The following PSPC1 variants were observed in gnomAD, a reference collection of about 807,000 sequenced individuals.
PSPC1 encodes paraspeckle protein 1.
PSPC1 carries 14 observed loss-of-function variants against 51.6 expected under a neutral mutation model. The observed-to-expected ratio is 0.27, with a 90% CI of 0.18 to 0.42. The LOEUF (loss-of-function observed/expected upper bound fraction) is 0.42, where lower values mean the gene tolerates loss of function less well. PSPC1 is among the 10% of genes least tolerant of loss of function. The probability of loss-of-function intolerance (pLI) is 1.00; values close to 1 mark genes in which losing one functional copy is unlikely to be tolerated. For missense variants in PSPC1, 406 were observed against 701.1 expected (o/e 0.58, Z 4.75); for synonymous variants, 193 against 231.9 (o/e 0.83, Z 1.53).
intron 6 of PSPC1, among the ~76,000 whole-genome samples, chr13:19,722,704 G>T (rs1882917146): frequency 6.6e-6 from 1 of 152,120 alleles, no homozygotes; most frequent in Non-Finnish European, 1.5e-5. Flanking sequence ...TGAAGCAGAA[G>T]AATCACTTGA....
chr13:19,759,989 G>A (rs1321947534), intron 2 of PSPC1, among the ~76,000 whole-genome samples: 2 of 152,056 alleles, frequency 1.3e-5, no homozygotes, highest in African/African-American at 4.8e-5. Context: ...TTAACATTTA[G>A]AAAGTATAAT....
At chr13:19,762,606 A>G (rs1332847153) in intron 2 of PSPC1, among the ~76,000 whole-genome samples, 1 of 152,206 alleles carries the variant, frequency 6.6e-6, no homozygotes, top group African/African-American at 2.4e-5. Context: ...TACACAACAT[A>G]AAAAGACCAA....
At chr13:19,772,708 T>C (rs999276838) in intron 1 of PSPC1, among the ~76,000 whole-genome samples, 165 bp from the exon 2 acceptor site, 5 of 152,224 alleles carry the variant, frequency 3.3e-5, no homozygotes, top group African/African-American at 1.2e-4. Context: ...AACTATTCAA[T>C]GATCATTTTA....
intron 5 of PSPC1, among the ~76,000 whole-genome samples, chr13:19,736,361 A>G (rs1296183637): frequency 1.3e-5 from 2 of 152,080 alleles, no homozygotes; most frequent in South Asian, 2.1e-4. Flanking sequence ...TACTGAGATT[A>G]CATAATAAAA....
intron 4 of PSPC1, among the ~76,000 whole-genome samples, chr13:19,745,805 G>C (rs1236304301): frequency 6.6e-6 from 1 of 151,902 alleles, no homozygotes; most frequent in African/African-American, 2.4e-5. Flanking sequence ...ATTTCCAATA[G>C]AGATGGGGTT....
At chr13:19,735,656 G>C (rs1220829046) in intron 5 of PSPC1, among the ~76,000 whole-genome samples, 1 of 152,042 alleles carries the variant, frequency 6.6e-6, no homozygotes, top group Non-Finnish European at 1.5e-5. Flanking sequence ...CAGACTATTT[G>C]GCTTGTTAAC....
chr13:19,715,449 G>A (rs547040372), intron 6 of PSPC1, among the ~76,000 whole-genome samples: 1 of 152,204 alleles, frequency 6.6e-6, no homozygotes, highest in South Asian at 2.1e-4. Context: ...CATGAAACAA[G>A]GTTAGCATAA....
At chr13:19,719,029 T>C (rs1462854020) in intron 6 of PSPC1, among the ~76,000 whole-genome samples, 2 of 151,244 alleles carry the variant, frequency 1.3e-5, no homozygotes, top group Admixed American at 6.6e-5. Flanking sequence ...TGTATGATGC[T>C]ATAATCATAG....
chr13:19,756,392 C>T (rs1887072766), intron 3 of PSPC1, among the ~76,000 whole-genome samples: 1 of 150,970 alleles, frequency 6.6e-6, no homozygotes, highest in African/African-American at 2.4e-5. Context: ...GGATACTCTC[C>T]ACCGTTAACA....
intron 5 of PSPC1, among the ~76,000 whole-genome samples, chr13:19,738,646 G>A (rs561190412): frequency 3.3e-5 from 5 of 152,122 alleles, no homozygotes; most frequent in African/African-American, 1.2e-4. Context: ...AGTGGCTCAC[G>A]CCTGTAATCC....
intron 6 of PSPC1, among the ~76,000 whole-genome samples, chr13:19,694,933 T>TA (rs1273318709): frequency 4.6e-5 from 7 of 152,254 alleles, no homozygotes; most frequent in African/African-American, 1.7e-4. Flanking sequence ...CATGGTAAGA[T>TA]ATTATTTGTC....
intron 5 of PSPC1, among the ~76,000 whole-genome samples, chr13:19,737,968 C>CT (rs1885023470): frequency 6.6e-6 from 1 of 152,022 alleles, no homozygotes; most frequent in Admixed American, 6.6e-5. Flanking sequence ...TGGTAAACAC[C>CT]TATAGTCCCA....
At chr13:19,769,395 A>C (rs1888399388) in intron 2 of PSPC1, among the ~76,000 whole-genome samples, 1 of 152,142 alleles carries the variant, frequency 6.6e-6, no homozygotes, top group Non-Finnish European at 1.5e-5. Context: ...CTCTACTAAA[A>C]ATACAAAAAA....
At chr13:19,761,010 A>T (rs1039657483) in intron 2 of PSPC1, among the ~76,000 whole-genome samples, 11 of 151,836 alleles carry the variant, frequency 7.2e-5, no homozygotes, top group African/African-American at 1.5e-4. Flanking sequence ...AAAAAAATTT[A>T]AAATTAGCCA....
At chr13:19,777,723 G>A (rs1212714692) in intron 1 of PSPC1, among the ~76,000 whole-genome samples, 6 of 152,022 alleles carry the variant, frequency 3.9e-5, no homozygotes, top group East Asian at 1.9e-4. Flanking sequence ...CAAGGCAGGC[G>A]GATCACAAGG....
chr13:19,724,364 G>A lies in PSPC1; in HGVS notation c.1158+5875C>T, dbSNP rs148344878. Among the ~76,000 whole-genome samples the A allele has an allele frequency of 4.6e-3, 697 of 151,716 alleles. 3 individuals carry two copies. Among genetic ancestry groups the A allele is most frequent in the Non-Finnish European group, 7.9e-3 (535 of 67,954 alleles). On this transcript the variant is annotated intron_variant, in intron 6 of 8. Transcript: ENST00000338910. Reference sequence around the variant, plus strand: ...GAGTTTCTGTTTTTCAGTTTTACACGTGCCACATCAGGGAAAGTTAGGTTA... The same window carrying A: ...GAGTTTCTGTTTTTCAGTTTTACACATGCCACATCAGGGAAAGTTAGGTTA...
intron 6 of PSPC1, among the ~76,000 whole-genome samples, chr13:19,696,411 A>G (rs1879243334): frequency 6.6e-6 from 1 of 152,108 alleles, no homozygotes; most frequent in South Asian, 2.1e-4. Context: ...AACAACTGTC[A>G]ATACAGCAAA....
rs191689369 is a variant in PSPC1 at position 19,756,658 on chromosome 13, C to A, written c.770+2665G>T. ...AGAATTACAGATGCGTGCCACCACACCCGGCTGATTTTTGTAATTTTAGTA... is the reference window on the plus strand; with the variant it reads ...AGAATTACAGATGCGTGCCACCACAACCGGCTGATTTTTGTAATTTTAGTA... On this transcript the variant is annotated intron_variant, in intron 3 of 8. Coordinates refer to ENST00000338910, the MANE Select transcript of PSPC1 (RefSeq NM_001354909.2). Among the ~76,000 whole-genome samples the A allele has an allele frequency of 8.0e-4, 121 of 152,096 alleles. 1 individual carries two copies. The highest frequency in any genetic ancestry group is 2.7e-3 in the African/African-American group (112 of 41,562).
intron 5 of PSPC1, among the ~76,000 whole-genome samples, chr13:19,736,727 T>C (rs181652869): frequency 3.3e-5 from 5 of 152,218 alleles, no homozygotes; most frequent in South Asian, 2.1e-4. Flanking sequence ...CTGCAACAAG[T>C]ATTCCACATC....
Sources: gnomAD v4.1 joint callset for allele counts (sites outside exome capture counted in the v4.1 genomes callset) on GRCh38, gnomAD v4.1.1 for gene constraint, MANE v1.5 for transcripts, NCBI Gene and HGNC (gene_info 2026-07-23, HGNC 2026-07-21) for gene names.